The following ROBO2 variants were observed in gnomAD, a reference collection of about 807,000 sequenced individuals.
The protein encoded by ROBO2 is roundabout homolog 2.
ROBO2 carries 53 observed loss-of-function variants against 160.8 expected under a neutral mutation model. The observed-to-expected ratio is 0.33, with a 90% CI of 0.26 to 0.41. The LOEUF (loss-of-function observed/expected upper bound fraction) is 0.41. ROBO2 is among the 10% of genes least tolerant of loss of function. The probability of loss-of-function intolerance (pLI) is 1.00; values close to 1 mark genes in which losing one functional copy is unlikely to be tolerated. For synonymous variants in ROBO2, 664 were observed against 611.7 expected, an observed-to-expected ratio of 1.09 and a Z score of -1.26; for missense variants, 1,577 against 1,722.4, an observed-to-expected ratio of 0.92 and a Z score of 1.49.
intron 2 of ROBO2, among the ~76,000 whole-genome samples, chr3:76,382,406 G>T (rs1308838645): frequency 6.6e-6 from 1 of 152,146 alleles, no homozygotes; most frequent in Non-Finnish European, 1.5e-5. Flanking sequence ...GGCTAACACG[G>T]TGGAACCCCG....
chr3:76,321,535 G>A (rs1576414126), intron 2 of ROBO2, among the ~76,000 whole-genome samples: 2 of 151,924 alleles, frequency 1.3e-5, no homozygotes, highest in Admixed American at 6.5e-5. Flanking sequence ...TATATGCTAC[G>A]TGTATCAACC....
intron 2 of ROBO2, among the ~76,000 whole-genome samples, chr3:76,980,218 C>T (rs909381694): frequency 6.6e-6 from 1 of 152,212 alleles, no homozygotes; most frequent in African/African-American, 2.4e-5. Flanking sequence ...CTGAGCTTTA[C>T]TGCAAAACAT....
intron 4 of ROBO2, among the ~76,000 whole-genome samples, chr3:77,482,280 T>G (rs1268983298): frequency 6.6e-6 from 1 of 152,204 alleles, no homozygotes; most frequent in Non-Finnish European, 1.5e-5. Flanking sequence ...TTCTGGTCAT[T>G]TCTTCAGGAC....
At chr3:77,638,515 T>C (rs1447156021) in intron 24 of ROBO2, among the ~76,000 whole-genome samples, 2 of 152,090 alleles carry the variant, frequency 1.3e-5, no homozygotes, top group African/African-American at 2.4e-5. Flanking sequence ...AACTAACTAC[T>C]GGGGTGAGAA....
intron 2 of ROBO2, among the ~76,000 whole-genome samples, chr3:77,416,826 G>C (rs772182581): frequency 5.3e-5 from 8 of 151,938 alleles, no homozygotes; most frequent in African/African-American, 9.7e-5. Context: ...TTTTAAGCAG[G>C]GCTTTGACAC....
rs766191596 is a variant in ROBO2, at chr3:77,321,898, C to T, written c.389-155516C>T. On this transcript the variant is annotated intron_variant, in intron 2 of 25. Transcript: ENST00000461745. ...AGACGGATGAAAGGACAGTTAAGTACAGAAGATAAGTGTAAATGATCAAGA... is the reference window on the plus strand; with the variant it reads ...AGACGGATGAAAGGACAGTTAAGTATAGAAGATAAGTGTAAATGATCAAGA... Among the ~76,000 whole-genome samples, 35 of 152,010 alleles carry T rather than the reference C, an allele frequency of 2.3e-4. 1 individual carries two copies. Among genetic ancestry groups the T allele is most frequent in the Admixed American group, 2.2e-3 (33 of 15,244 alleles).
intron 2 of ROBO2, among the ~76,000 whole-genome samples, chr3:76,245,361 A>G (rs1453258041): frequency 3.3e-5 from 5 of 152,164 alleles, no homozygotes; most frequent in African/African-American, 1.2e-4. Context: ...TAGAAATTCC[A>G]TTTGTATTCA....
intron 2 of ROBO2, among the ~76,000 whole-genome samples, chr3:76,542,328 C>A (rs1170914439): frequency 6.6e-6 from 1 of 151,998 alleles, no homozygotes; most frequent in Non-Finnish European, 1.5e-5. Context: ...ATATGGTGAA[C>A]CTTTCTGTGC....
At chr3:76,709,941 A>G (rs1035789284) in intron 2 of ROBO2, among the ~76,000 whole-genome samples, 1 of 152,088 alleles carries the variant, frequency 6.6e-6, no homozygotes, top group Non-Finnish European at 1.5e-5. Context: ...TTCTGAGGAC[A>G]TGGGATAGCA....
At chr3:76,402,936 A>C (rs1442562724) in intron 2 of ROBO2, among the ~76,000 whole-genome samples, 2 of 151,606 alleles carry the variant, frequency 1.3e-5, no homozygotes, top group African/African-American at 4.8e-5. Flanking sequence ...TATGTATGAC[A>C]ACATACTTAG....
chr3:76,432,626 C>G (rs2076488038), intron 2 of ROBO2, among the ~76,000 whole-genome samples: 1 of 152,140 alleles, frequency 6.6e-6, no homozygotes, highest in African/African-American at 2.4e-5. Flanking sequence ...GACATAGCAG[C>G]TGGATTCCCT....
intron 2 of ROBO2, among the ~76,000 whole-genome samples, chr3:76,670,237 G>A (rs1222141470): frequency 1.3e-5 from 2 of 151,214 alleles, no homozygotes; most frequent in African/African-American, 4.9e-5. Context: ...AGAGTTCTGT[G>A]TATTTTAGCT....
intron 2 of ROBO2, among the ~76,000 whole-genome samples, chr3:76,023,847 A>G (rs1349439394): frequency 6.6e-6 from 1 of 151,496 alleles, no homozygotes; most frequent in Non-Finnish European, 1.5e-5. Context: ...AAAACACAGT[A>G]TCTACAAGAA....
chr3:76,022,003 C>G (rs1308947984), intron 2 of ROBO2, among the ~76,000 whole-genome samples: 1 of 151,462 alleles, frequency 6.6e-6, no homozygotes, highest in Admixed American at 6.6e-5. Context: ...TGCCACTGCT[C>G]TATCAACTAA....
At chr3:77,139,017 G>T (rs1256430085) in intron 2 of ROBO2, among the ~76,000 whole-genome samples, 3 of 152,204 alleles carry the variant, frequency 2.0e-5, no homozygotes, top group East Asian at 3.9e-4. Flanking sequence ...TGTGTTGTAA[G>T]AATTTATTAT....
intron 2 of ROBO2, among the ~76,000 whole-genome samples, chr3:76,760,657 C>T (rs920917766): frequency 1.3e-5 from 2 of 151,562 alleles, no homozygotes; most frequent in African/African-American, 2.4e-5. Context: ...ATTTTCTACG[C>T]ATACGTTGCA....
At chr3:77,288,836 C>T (rs1311736158) in intron 2 of ROBO2, among the ~76,000 whole-genome samples, 1 of 152,076 alleles carries the variant, frequency 6.6e-6, no homozygotes, top group Non-Finnish European at 1.5e-5. Context: ...AGTGTGATAA[C>T]ACTGTATTAT....
rs527798346 is a variant in ROBO2, at chr3:76,879,313, A to G, written c.110-218701A>G. 6.6e-5 allele frequency among the ~76,000 whole-genome samples: 10 copies of G among 152,222 alleles called. No individual in the cohort carries two copies. The South Asian group carries it at 1.9e-3, about 28-fold the overall frequency. The stretch of plus-strand genomic sequence containing the variant: ...TTTGGGTCACCTGAGAATCTGGTTA[A>G]TGTAGATTTTCCAACTTAGTAGGTC... On this transcript the variant is annotated intron_variant, in intron 2 of 26. Transcript: ENST00000487694.
At chr3:77,336,037 A>G (rs975819810) in intron 2 of ROBO2, among the ~76,000 whole-genome samples, 1 of 152,236 alleles carries the variant, frequency 6.6e-6, no homozygotes, top group Non-Finnish European at 1.5e-5. Context: ...AATGGACTAT[A>G]AAGTTCCAGT....
Sources: allele counts gnomAD v4.1 joint callset (sites outside exome capture counted in the v4.1 genomes callset), GRCh38; gene constraint gnomAD v4.1.1; transcripts MANE v1.5; gene names NCBI Gene and HGNC (gene_info 2026-07-23, HGNC 2026-07-21).